The following FRAS1 variants were observed in gnomAD, a reference collection of about 807,000 sequenced individuals.
The protein encoded by FRAS1 is extracellular matrix organizing protein FRAS1.
Under a neutral mutation model 435.2 loss-of-function variants are expected in FRAS1, and 290 were observed. The observed-to-expected ratio is 0.67, with a 90% CI of 0.61 to 0.73. The LOEUF is 0.73. FRAS1 is among the 30% of genes least tolerant of loss of function. FRAS1 has a pLI of 0.00. For missense variants in FRAS1, 4,860 were observed against 5,001.5 expected (o/e 0.97, Z 0.85); for synonymous variants, 1,800 against 1,851.0 (o/e 0.97, Z 0.71).
In FRAS1 at chr4:78,432,534, G is replaced by T. The variant is rs1734258632; in HGVS notation, c.5147G>T (p.Gly1716Val). ...SEDRGPRLAA[G>V]SSLSITVASK... ...GACCGAGGGCCTCGACTGGCTGCTG[G>T]CTCCTCTCTGAGCATTACTGTTGCC... The change falls in exon 38 of 74, where the codon GGC becomes GTC. Residue 1716 changes from glycine to valine, a missense_variant. By Grantham distance (109) the Gly-to-Val change is moderately radical. Coordinates refer to ENST00000512123, the MANE Select transcript of FRAS1 (RefSeq NM_025074.7). 6.2e-7 allele frequency: 1 copy of T among 1,612,692 alleles called. No homozygotes were observed. The highest frequency in any genetic ancestry group is 1.1e-5 in the South Asian group (1 of 90,814).
In FRAS1 at chr4:78,308,120, C is replaced by A; in HGVS notation, c.1589C>A (p.Ala530Asp). The change falls in exon 15 of 74, where the codon GCC becomes GAC. Residue 530 changes from alanine (A) to aspartate (D), a missense_variant. Physicochemically the swap from Ala to Asp is moderately radical, Grantham distance 126 (BLOSUM62 -2). Transcript: ENST00000512123. ...GGCCCAACGGAGAAGCACTGCTTGG[C>A]CTGCAGAGATCCCCTCCACGTGCTG... ...CWGPTEKHCL[A>D]CRDPLHVLRD... 1 of 1,613,878 alleles carries A rather than the reference C, an allele frequency of 6.2e-7. No individual in the cohort carries two copies. Among genetic ancestry groups the A allele is most frequent in the South Asian group, 1.1e-5 (1 of 91,048 alleles).
chr4:78,068,945 A>C (rs1302744820), intron 2 of FRAS1, among the ~76,000 whole-genome samples: 1 of 152,192 alleles, frequency 6.6e-6, no homozygotes, highest in African/African-American at 2.4e-5. Flanking sequence ...TGTCTACATC[A>C]GTGAAATTGG....
At chr4:78,191,183 A>C (rs1441167765) in intron 2 of FRAS1, among the ~76,000 whole-genome samples, 1 of 152,224 alleles carries the variant, frequency 6.6e-6, no homozygotes, top group African/African-American at 2.4e-5. Flanking sequence ...ATATTGTTAT[A>C]GCACCCTCAG....
intron 47 of FRAS1, among the ~76,000 whole-genome samples, chr4:78,456,138 C>CTTTTTTTTTCT (rs1719187825): frequency 1.9e-5 from 1 of 51,482 alleles, no homozygotes; most frequent in Non-Finnish European, 4.1e-5. Flanking sequence ...ACACATGTCA[C>CTTTTTTTTTCT]TTTTTTTTTT....
At chr4:78,112,431 G>T (rs1355370860) in intron 2 of FRAS1, among the ~76,000 whole-genome samples, 2 of 152,056 alleles carry the variant, frequency 1.3e-5, no homozygotes, top group African/African-American at 2.4e-5. Context: ...TTGGTAGTTT[G>T]TGAGCTTTTC....
intron 2 of FRAS1, among the ~76,000 whole-genome samples, chr4:78,081,935 T>G (rs1218062358): frequency 6.6e-6 from 1 of 152,140 alleles, no homozygotes; most frequent in Non-Finnish European, 1.5e-5. Flanking sequence ...TTAATTTTCT[T>G]TGGTTTAAGT....
chr4:78,253,707 CA>C (rs1475070266), intron 5 of FRAS1, among the ~76,000 whole-genome samples: 1 of 152,118 alleles, frequency 6.6e-6, no homozygotes, highest in African/African-American at 2.4e-5. Context: ...GAGATTGGAA[CA>C]AATCCTTAAG....
intron 61 of FRAS1, among the ~76,000 whole-genome samples, chr4:78,505,221 G>A (rs995185622): frequency 1.3e-5 from 2 of 152,060 alleles, no homozygotes; most frequent in East Asian, 1.9e-4. Flanking sequence ...TGCTCTTCTT[G>A]AGGAGTACCT....
At chr4:78,412,506 A>G (rs1733381924) in intron 31 of FRAS1, among the ~76,000 whole-genome samples, 1 of 152,234 alleles carries the variant, frequency 6.6e-6, no homozygotes, top group Non-Finnish European at 1.5e-5. Flanking sequence ...GCTGGTTAAA[A>G]ATGAAAGAAA....
At chr4:78,179,088 T>TA (rs1466908522) in intron 2 of FRAS1, among the ~76,000 whole-genome samples, 1 of 152,216 alleles carries the variant, frequency 6.6e-6, no homozygotes, top group African/African-American at 2.4e-5. Flanking sequence ...GGAAAGTGTA[T>TA]AGGAACACAG....
At chr4:78,511,592 G>A in intron 64 of FRAS1, 86 bp downstream of exon 64, 1 of 994,124 alleles carries the variant, frequency 1.0e-6, no homozygotes, top group Non-Finnish European at 1.6e-6. Flanking sequence ...ATCAATAAGG[G>A]ATGCTTCTGC....
intron 2 of FRAS1, among the ~76,000 whole-genome samples, chr4:78,172,536 A>T (rs1370347979): frequency 6.6e-6 from 1 of 152,122 alleles, no homozygotes; most frequent in Non-Finnish European, 1.5e-5. Flanking sequence ...GTTAGTTTCT[A>T]ATCTTGGTAG....
chr4:78,334,529 C>G (rs1578259037), intron 19 of FRAS1, among the ~76,000 whole-genome samples: 1 of 151,560 alleles, frequency 6.6e-6, no homozygotes, highest in African/African-American at 2.4e-5. Context: ...TGCCACCACA[C>G]CCAGCTAACT....
At chr4:78,283,883 T>C (rs1727447422) in intron 12 of FRAS1, among the ~76,000 whole-genome samples, 1 of 152,168 alleles carries the variant, frequency 6.6e-6, no homozygotes, top group African/African-American at 2.4e-5. Context: ...TTGCTGATAA[T>C]TACCACTAAA....
intron 2 of FRAS1, among the ~76,000 whole-genome samples, chr4:78,179,993 A>G (rs1195048034): frequency 6.6e-6 from 1 of 152,230 alleles, no homozygotes; most frequent in Non-Finnish European, 1.5e-5. Context: ...TATTCAGCCA[A>G]CCGACACTTA....
intron 2 of FRAS1, among the ~76,000 whole-genome samples, chr4:78,125,930 G>T (rs1184417340): frequency 2.6e-5 from 4 of 152,182 alleles, no homozygotes. Context: ...AGGCAGGGAC[G>T]TTTAAGTCTG....
intron 35 of FRAS1, among the ~76,000 whole-genome samples, chr4:78,428,666 A>G (rs1734093147): frequency 6.6e-6 from 1 of 152,310 alleles, no homozygotes. Flanking sequence ...CCACTTCTAA[A>G]AGAGTTCATG....
intron 2 of FRAS1, among the ~76,000 whole-genome samples, chr4:78,147,875 T>G (rs1720482666): frequency 6.6e-6 from 1 of 152,228 alleles, no homozygotes; most frequent in Admixed American, 6.5e-5. Context: ...ACATTTGTGC[T>G]CAGTAACCTG....
chr4:78,532,686 C>T (rs1459393960), intron 70 of FRAS1, among the ~76,000 whole-genome samples: 1 of 152,056 alleles, frequency 6.6e-6, no homozygotes, highest in African/African-American at 2.4e-5. Context: ...GTTTTTTGTT[C>T]CCACCCGAAT....
Sources: allele counts gnomAD v4.1 joint callset (sites outside exome capture counted in the v4.1 genomes callset), GRCh38; gene constraint gnomAD v4.1.1; transcripts MANE v1.5; gene names NCBI Gene and HGNC (gene_info 2026-07-23, HGNC 2026-07-21).